Variants in GAPVD1 observed in about 807,000 individuals in gnomAD.
The protein encoded by GAPVD1 is GTPase-activating protein and VPS9 domain-containing protein 1.
GAPVD1 carries 35 observed loss-of-function variants against 155.5 expected under a neutral mutation model. That is an observed-to-expected ratio of 0.23 (90% confidence interval 0.17 to 0.30). GAPVD1 has a LOEUF of 0.30. Ranked by LOEUF, GAPVD1 falls within the 10% of genes least tolerant of loss-of-function variation. The pLI is 1.00. For missense variants in GAPVD1, 1,429 were observed against 1,775.7 expected (o/e 0.80, Z 3.51); for synonymous variants, 636 against 619.7 (o/e 1.03, Z -0.39).
chr9:125,280,396 C>CAAAAAAAAA (rs750354567), intron 2 of GAPVD1, among the ~76,000 whole-genome samples: 34 of 57,288 alleles, frequency 5.9e-4, no homozygotes, highest in Non-Finnish European at 8.8e-4. Context: ...AAGTCCATCT[C>CAAAAAAAAA]AAAAAAAAAA....
At chr9:125,268,055 T>C (rs938432407) in intron 1 of GAPVD1, among the ~76,000 whole-genome samples, 1 of 151,886 alleles carries the variant, frequency 6.6e-6, no homozygotes, top group Non-Finnish European at 1.5e-5. Flanking sequence ...TCCCAGCTAC[T>C]CAGGAGGCTG....
At chr9:125,296,248 G>C (rs1435775607) in intron 3 of GAPVD1, among the ~76,000 whole-genome samples, 1 of 148,068 alleles carries the variant, frequency 6.8e-6, no homozygotes, top group Non-Finnish European at 1.5e-5. Flanking sequence ...GCACAATCTC[G>C]GCCCACTGCA....
intron 1 of GAPVD1, chr9:125,264,158 A>G (rs550487810): frequency 1.4e-4 from 96 of 676,178 alleles, no homozygotes; most frequent in Middle Eastern, 3.9e-4. Context: ...TTTCATAATC[A>G]GGGAGATAAA....
intron 12 of GAPVD1, among the ~76,000 whole-genome samples, chr9:125,328,909 G>T (rs1845641659): frequency 6.6e-6 from 1 of 152,242 alleles, no homozygotes; most frequent in African/African-American, 2.4e-5. Context: ...GAGGCTGGCG[G>T]ATCACTCGCG....
At chr9:125,293,314 C>T (rs1401842426) in intron 2 of GAPVD1, among the ~76,000 whole-genome samples, 2 of 151,978 alleles carry the variant, frequency 1.3e-5, no homozygotes, top group Non-Finnish European at 2.9e-5. Context: ...CCTGTAGTGA[C>T]TTGTAATTTC....
intron 5 of GAPVD1, 151 bp downstream of exon 5, chr9:125,302,977 A>C (rs1841142000): frequency 1.1e-6 from 1 of 906,910 alleles, no homozygotes; most frequent in Non-Finnish European, 1.6e-6. Flanking sequence ...CTTATTAAAT[A>C]AAAGCAGTAA....
chr9:125,310,671 A>G (rs1447670349), intron 8 of GAPVD1, among the ~76,000 whole-genome samples: 1 of 133,240 alleles, frequency 7.5e-6, no homozygotes, highest in Non-Finnish European at 1.6e-5. Flanking sequence ...TCCCAAGTAG[A>G]TGGGATCACA....
At chr9:125,320,547 AATTT>A (rs944957231) in intron 9 of GAPVD1, among the ~76,000 whole-genome samples, 1 of 151,982 alleles carries the variant, frequency 6.6e-6, no homozygotes, top group Non-Finnish European at 1.5e-5. Context: ...CTTCTAGTTG[AATTT>A]ATTTACTTTT....
chr9:125,287,762 A>T (rs1343798832), intron 2 of GAPVD1: 2 of 152,148 alleles, frequency 1.3e-5, no homozygotes, highest in Non-Finnish European at 2.9e-5. Flanking sequence ...ATCTTTTGAG[A>T]TGGAGTCTTG....
At chr9:125,349,666 C>T in intron 21 of GAPVD1, 147 bp downstream of exon 21, 4 of 696,302 alleles carry the variant, frequency 5.7e-6, no homozygotes, top group Non-Finnish European at 9.4e-6. Flanking sequence ...GACTTTGTTT[C>T]AGTTGTAGAT....
At position 125,357,890 on chromosome 9, in the gene GAPVD1, G is replaced by C. The variant is rs146549358; in HGVS notation, c.3972-1530G>C. ...CTTGGGAGACTGAAGCAGGAGGATT[G>C]CTTGAACCCAGGAGGCAGAGGTTGC... On this transcript the variant is annotated intron_variant, in intron 25 of 27. Transcript: ENST00000297933. Among the ~76,000 whole-genome samples the C allele has an allele frequency of 5.0e-3, 749 of 150,646 alleles. 9 individuals carry two copies. Among genetic ancestry groups the C allele is most frequent in the African/African-American group, 0.017 (703 of 41,050 alleles).
chr9:125,278,525 CAAAT>C (rs920726464), intron 2 of GAPVD1, among the ~76,000 whole-genome samples: 2 of 146,220 alleles, frequency 1.4e-5, no homozygotes, highest in African/African-American at 2.5e-5. Flanking sequence ...CATCTCAAAA[CAAAT>C]AAATAAGTAA....
At chr9:125,358,542 G>T (rs552478170) in intron 25 of GAPVD1, among the ~76,000 whole-genome samples, 1 of 152,336 alleles carries the variant, frequency 6.6e-6, no homozygotes, top group South Asian at 2.1e-4. Context: ...GATCCTCGGG[G>T]TGTGGGTTAT....
At chr9:125,343,309 C>A (rs950295163) in intron 19 of GAPVD1, among the ~76,000 whole-genome samples, 1 of 151,744 alleles carries the variant, frequency 6.6e-6, no homozygotes, top group African/African-American at 2.4e-5. Flanking sequence ...GATTGAACAC[C>A]CCTGGTCTAG....
In GAPVD1 at chr9:125,337,101, C is replaced by A. The variant is rs141725731; in HGVS notation, c.2506+6C>A. 1 of 1,606,744 alleles carries A rather than the reference C, an allele frequency of 6.2e-7. No individual in the cohort carries two copies. ...TCCACTGTCTTCACATGAAGGTAAA[C>A]CAGTGAAATGAACTTTTTCACTTAT... On this transcript the variant is annotated splice_donor_region_variant and intron_variant, in intron 16 of 27. Transcript: ENST00000297933.
At position 125,355,844 on chromosome 9, in the gene GAPVD1, A is replaced by G. The variant is rs1416540973; in HGVS notation, c.3958A>G (p.Ile1320Val). Reference sequence around the variant, plus strand: ...CTTCTACCCTAATCAAGATGGGGACATACTTCGCGACCAGTAAGTACTTCT... The same window carrying G: ...CTTCTACCCTAATCAAGATGGGGACGTACTTCGCGACCAGTAAGTACTTCT... Reference protein sequence around the residue: ...LAFYPNQDGDILRDQVLHEHI... With the variant: ...LAFYPNQDGDVLRDQVLHEHI... The change falls in exon 25 of 28, where the codon ATA (isoleucine) becomes GTA (valine). Residue 1320 changes from isoleucine (I) to valine (V), a missense_variant. By Grantham distance (29) the Ile-to-Val change is conservative. Around this residue, in one of 4 missense-constraint regions of GAPVD1, gnomAD observed 102 missense variants for 196.5 expected, o/e 0.52. Coordinates refer to ENST00000297933, the MANE Select transcript of GAPVD1 (RefSeq NM_001282680.3). 2 of 1,593,540 alleles carry G rather than the reference A, an allele frequency of 1.3e-6. No homozygotes were observed. The highest frequency in any genetic ancestry group is 2.2e-5 in the East Asian group (1 of 44,764).
chr9:125,293,674 AAAATATATATATTATATATTTATATT>A (rs1485842952), intron 2 of GAPVD1, among the ~76,000 whole-genome samples: 1 of 126,020 alleles, frequency 7.9e-6, no homozygotes, highest in East Asian at 2.5e-4. Context: ...ATATAATATA[AAAATATATATATTATATATTTATATT>A]AAATATATAT....
intron 1 of GAPVD1, among the ~76,000 whole-genome samples, chr9:125,265,006 AC>A (rs1833623719): frequency 6.6e-6 from 1 of 152,144 alleles, no homozygotes; most frequent in South Asian, 2.1e-4. Flanking sequence ...GGCGTGAGCC[AC>A]CGCGCCTGGC....
At chr9:125,315,155 A>G (rs1220497307) in intron 9 of GAPVD1, among the ~76,000 whole-genome samples, 1 of 152,182 alleles carries the variant, frequency 6.6e-6, no homozygotes, top group Non-Finnish European at 1.5e-5. Flanking sequence ...AGAAGAGGCC[A>G]GTTTTAGTGA....
Sources: gnomAD v4.1 joint callset for allele counts (sites outside exome capture counted in the v4.1 genomes callset) on GRCh38, gnomAD v4.1.1 for gene constraint, gnomAD v4.1.1 regional missense constraint, MANE v1.5 for transcripts, NCBI Gene and HGNC (gene_info 2026-07-23, HGNC 2026-07-21) for gene names.